The following NOS1AP variants were observed in gnomAD, a reference collection of about 807,000 sequenced individuals.
NOS1AP encodes nitric oxide synthase 1 adaptor protein.
A neutral mutation model predicts 56.2 loss-of-function variants in NOS1AP; 21 were observed. The ratio of observed to expected loss-of-function variants is 0.37; its 90% confidence interval spans 0.26 to 0.54. The LOEUF is 0.54. Among genes scored for constraint, NOS1AP ranks in the 20% least tolerant of loss-of-function variants. The pLI is 0.84. For synonymous variants in NOS1AP, 270 were observed against 274.6 expected, an observed-to-expected ratio of 0.98 and a Z score of 0.17; for missense variants, 522 against 657.8, an observed-to-expected ratio of 0.79 and a Z score of 2.26.
chr1:162,234,320 T>C lies in NOS1AP; in HGVS notation c.178-53024T>C, dbSNP rs114013830. On this transcript the variant is annotated intron_variant, in intron 2 of 9. Coordinates refer to ENST00000361897, the MANE Select transcript of NOS1AP (RefSeq NM_014697.3). ...AGGGTAGGAAGTCACATTGGGCTTA[T>C]ATCATAGAGTGCATTGAGGACCACC... Among the ~76,000 whole-genome samples, 972 of 152,322 alleles carry C rather than the reference T, an allele frequency of 6.4e-3. 8 individuals carry two copies. The highest frequency in any genetic ancestry group is 0.022 in the African/African-American group (909 of 41,562).
In NOS1AP at chr1:162,343,878, A is replaced by G; in HGVS notation, c.497A>G (p.Glu166Gly). The G allele has an allele frequency of 6.2e-7, 1 of 1,614,102 alleles. No homozygotes were observed. Among genetic ancestry groups the G allele is most frequent in the Non-Finnish European group, 8.5e-7 (1 of 1,180,024 alleles). ...RIVRTVGQAF[E>G]VCHKLSLQHT... is the part of the protein sequence containing the mutation. ...GTTCGGACGGTGGGGCAGGCCTTTG[A>G]GGTCTGCCACAAGCTGAGCCTGCAG... is the stretch of plus-strand genomic sequence containing the variant. Residue 166 changes from glutamate (E) to glycine (G), a missense_variant, in exon 6 of 10, where the codon GAG becomes GGG. Around this residue, in one of 4 missense-constraint regions of NOS1AP, gnomAD observed 132 missense variants for 218.1 expected, o/e 0.61. Coordinates refer to ENST00000361897, the MANE Select transcript of NOS1AP (RefSeq NM_014697.3).
intron 1 of NOS1AP, among the ~76,000 whole-genome samples, chr1:162,072,727 G>A (rs768923781): frequency 1.3e-5 from 2 of 152,188 alleles, no homozygotes; most frequent in Non-Finnish European, 2.9e-5. Flanking sequence ...GACCTAAGCA[G>A]AGGTGGAAGC....
chr1:162,126,587 A>T (rs934155604), intron 1 of NOS1AP, among the ~76,000 whole-genome samples: 6 of 151,460 alleles, frequency 4.0e-5, no homozygotes, highest in Non-Finnish European at 8.8e-5. Flanking sequence ...CCTGGAAATC[A>T]TCCATGCAAG....
chr1:162,296,955 G>A (rs921479073), intron 3 of NOS1AP, among the ~76,000 whole-genome samples: 7 of 152,216 alleles, frequency 4.6e-5, no homozygotes, highest in Admixed American at 2.0e-4. Context: ...ATTCCCCAAA[G>A]AGAGGAATTG....
rs183572528 is a variant in NOS1AP, at chr1:162,369,143, A to G, written c.*1676A>G. The G allele has an allele frequency of 6.6e-6, 1 of 152,166 alleles. No individual in the cohort carries two copies. The highest frequency in any genetic ancestry group is 2.4e-5 in the African/African-American group (1 of 41,420). 9.4% of individuals were successfully genotyped at this position (152,166 alleles called of 1,614,324 possible). On this transcript the variant is annotated 3_prime_UTR_variant, in exon 10 of 10. Transcript: ENST00000361897. ...TGTGTGAGGGAAAGTGTGTACATAT[A>G]TGTAGGATTGTAACCAGACGGAAAA...
At chr1:162,313,393 A>G (rs963658308) in intron 4 of NOS1AP, among the ~76,000 whole-genome samples, 3 of 152,222 alleles carry the variant, frequency 2.0e-5, no homozygotes, top group African/African-American at 7.2e-5. Context: ...ATGCAAATAT[A>G]TTGACACTCG....
chr1:162,115,707 G>A (rs1369321649), intron 1 of NOS1AP, among the ~76,000 whole-genome samples: 1 of 152,182 alleles, frequency 6.6e-6, no homozygotes, highest in Non-Finnish European at 1.5e-5. Flanking sequence ...GAGGTTGAGG[G>A]CAAGTTGGAG....
At chr1:162,322,736 T>C (rs1473839760) in intron 4 of NOS1AP, among the ~76,000 whole-genome samples, 3 of 152,066 alleles carry the variant, frequency 2.0e-5, no homozygotes, top group South Asian at 2.1e-4. Context: ...TTGGTGACCA[T>C]AGAGACATCT....
At chr1:162,107,912 C>T (rs1421100643) in intron 1 of NOS1AP, among the ~76,000 whole-genome samples, 1 of 152,088 alleles carries the variant, frequency 6.6e-6, no homozygotes, top group Non-Finnish European at 1.5e-5. Context: ...ATAGAATAAA[C>T]AACGAATTAT....
intron 2 of NOS1AP, among the ~76,000 whole-genome samples, chr1:162,170,969 A>G (rs908977665): frequency 6.6e-6 from 1 of 150,564 alleles, no homozygotes; most frequent in Non-Finnish European, 1.5e-5. Context: ...GAAACCAAGG[A>G]ACAGAAGAGA....
chr1:162,250,809 T>C (rs1653824906), intron 2 of NOS1AP, among the ~76,000 whole-genome samples: 1 of 152,312 alleles, frequency 6.6e-6, no homozygotes, highest in Middle Eastern at 3.4e-3. Context: ...GCTTGAGTTC[T>C]TCCTCCCTCT....
At chr1:162,108,787 T>A (rs1647605013) in intron 1 of NOS1AP, among the ~76,000 whole-genome samples, 1 of 151,980 alleles carries the variant, frequency 6.6e-6, no homozygotes, top group Non-Finnish European at 1.5e-5. Context: ...ATCAGCAACA[T>A]TTAGAAGTAG....
intron 2 of NOS1AP, among the ~76,000 whole-genome samples, chr1:162,178,783 T>C (rs1455053562): frequency 6.6e-6 from 1 of 152,264 alleles, no homozygotes; most frequent in African/African-American, 2.4e-5. Context: ...TGTGTGAAAG[T>C]TGTAGCCTTG....
intron 1 of NOS1AP, among the ~76,000 whole-genome samples, chr1:162,073,913 C>T (rs1343304705): frequency 6.6e-6 from 1 of 152,196 alleles, no homozygotes; most frequent in African/African-American, 2.4e-5. Flanking sequence ...CCTGTGGCTC[C>T]TTAGTAACTG....
At chr1:162,361,364 C>G (rs1329677004) in intron 8 of NOS1AP, among the ~76,000 whole-genome samples, 1 of 152,212 alleles carries the variant, frequency 6.6e-6, no homozygotes, top group Admixed American at 6.5e-5. Flanking sequence ...AGGGCTGTAG[C>G]AGACTGCCCA....
At chr1:162,330,011 A>G (rs1656713094) in intron 4 of NOS1AP, among the ~76,000 whole-genome samples, 1 of 152,360 alleles carries the variant, frequency 6.6e-6, no homozygotes, top group Non-Finnish European at 1.5e-5. Context: ...TGTTAAGGTT[A>G]AGTTAACCTT....
chr1:162,289,443 G>A (rs1330247558), intron 3 of NOS1AP, among the ~76,000 whole-genome samples: 2 of 146,362 alleles, frequency 1.4e-5, no homozygotes, highest in African/African-American at 2.6e-5. Context: ...GATTACTGGC[G>A]CCTGCCACCA....
In NOS1AP at chr1:162,158,128, C is replaced by G. The variant is rs373293439; in HGVS notation, c.177+3652C>G. Among the ~76,000 whole-genome samples, 8 of 152,308 alleles carry G rather than the reference C, an allele frequency of 5.3e-5. No homozygotes were observed. In the East Asian group the frequency reaches 9.6e-4, roughly 18 times the overall value. On this transcript the variant is annotated intron_variant, in intron 2 of 9. Coordinates refer to ENST00000361897, the MANE Select transcript of NOS1AP (RefSeq NM_014697.3). ...ACTTTTTCATCTTGCAAAATGGACA[C>G]TCTATACCCATTAAACACAATTCCC...
At chr1:162,259,974 T>C (rs183791666) in intron 2 of NOS1AP, among the ~76,000 whole-genome samples, 31 of 152,278 alleles carry the variant, frequency 2.0e-4, no homozygotes, top group African/African-American at 6.0e-4. Flanking sequence ...AATCAATTGT[T>C]TGGGTTTTGT....
Sources: gnomAD v4.1 joint callset for allele counts (sites outside exome capture counted in the v4.1 genomes callset) on GRCh38, gnomAD v4.1.1 for gene constraint, gnomAD v4.1.1 regional missense constraint, MANE v1.5 for transcripts, NCBI Gene and HGNC (gene_info 2026-07-23, HGNC 2026-07-21) for gene names.